PIP4K2B: variants seen among roughly 807,000 people sequenced by gnomAD.
The protein encoded by PIP4K2B is phosphatidylinositol-5-phosphate 4-kinase type 2 beta.
PIP4K2B carries 3 observed loss-of-function variants against 42.0 expected under a neutral mutation model. That is an observed-to-expected ratio of 0.07 (90% CI 0.03 to 0.18). The LOEUF is 0.18. Among genes scored for constraint, PIP4K2B ranks in the 10% least tolerant of loss-of-function variants. The pLI is 1.00. For synonymous variants in PIP4K2B, 204 were observed against 210.1 expected (o/e 0.97, Z 0.25); for missense variants, 332 against 562.3 (o/e 0.59, Z 4.14).
At chr17:38,787,652 G>A (rs1173129574) in intron 1 of PIP4K2B, among the ~76,000 whole-genome samples, 1 of 152,186 alleles carries the variant, frequency 6.6e-6, no homozygotes, top group Non-Finnish European at 1.5e-5. Flanking sequence ...GGAGTGCAAT[G>A]GCACGATCTC....
intron 7 of PIP4K2B, among the ~76,000 whole-genome samples, chr17:38,776,796 A>G (rs1209928061): frequency 1.3e-5 from 2 of 152,232 alleles, no homozygotes; most frequent in African/African-American, 4.8e-5. Flanking sequence ...CAAGTGGTCC[A>G]GATAACATTT....
At chr17:38,786,752 G>T in intron 2 of PIP4K2B, 71 bp downstream of exon 2, 1 of 966,366 alleles carries the variant, frequency 1.0e-6, no homozygotes, top group Non-Finnish European at 1.7e-6. Context: ...CCATGCATGA[G>T]GCTTCAGAAG....
intron 1 of PIP4K2B, among the ~76,000 whole-genome samples, chr17:38,793,127 C>A (rs1399624142): frequency 6.6e-6 from 1 of 152,102 alleles, no homozygotes; most frequent in Non-Finnish European, 1.5e-5. Context: ...CAGGGTTTCG[C>A]CATGTTGGCC....
At chr17:38,773,049 C>T (rs1055219493) in intron 7 of PIP4K2B, among the ~76,000 whole-genome samples, 11 of 152,112 alleles carry the variant, frequency 7.2e-5, no homozygotes, top group African/African-American at 1.2e-4. Context: ...TGGCTTCAGG[C>T]GTCCACTGGG....
intron 7 of PIP4K2B, among the ~76,000 whole-genome samples, chr17:38,772,861 G>A (rs1909120827): frequency 6.6e-6 from 1 of 152,172 alleles, no homozygotes; most frequent in South Asian, 2.1e-4. Flanking sequence ...GATTACAGGT[G>A]TGAGCCACTG....
Position 38,786,855 on chromosome 17 carries a change from G to A in PIP4K2B, c.225C>T (p.Ser75=). 1 of 1,611,908 alleles carries A rather than the reference G, an allele frequency of 6.2e-7. No homozygotes were observed. Among genetic ancestry groups the A allele is most frequent in the Non-Finnish European group, 8.5e-7 (1 of 1,178,004 alleles). The change falls in exon 2 of 10, where the codon AGC becomes AGT. Residue 75 remains serine (S), a synonymous_variant. Transcript: ENST00000619039. ...MLMPDDFKAY[S]KIKVDNHLFN... is the part of the protein sequence containing the mutation. Reference sequence around the variant, plus strand: ...AGAGATGATTGTCCACCTTGATCTTGCTGTAGGCTTTGAAGTCATCTGGCA... The same window carrying A: ...AGAGATGATTGTCCACCTTGATCTTACTGTAGGCTTTGAAGTCATCTGGCA...
rs1908703473 is a variant in PIP4K2B, at chr17:38,766,340, G to GC, written c.*3350dup. 6.5e-6 allele frequency: 1 copy of GC among 152,684 alleles called. No individual in the cohort carries two copies. The highest frequency in any genetic ancestry group is 2.4e-5 in the African/African-American group (1 of 41,428). The allele number at this position is 152,684 out of a possible 1,614,324, so 9.5% of individuals were successfully genotyped here. A position where few individuals can be genotyped will look rare whatever the true frequency, so the allele number is the denominator to read the frequency against. ...TTGTTTAAACGCACTGTCCCTTCTA[G>GC]CCCCCAACACCTGAGTAACTCACAT... is the stretch of plus-strand genomic sequence containing the variant. On this transcript the variant is annotated 3_prime_UTR_variant, in exon 10 of 10. Transcript: ENST00000619039.
intron 1 of PIP4K2B, among the ~76,000 whole-genome samples, chr17:38,791,406 A>ATTTTTTTTTTTTTTTT (rs58027566): frequency 5.5e-5 from 5 of 91,156 alleles, no homozygotes; most frequent in Admixed American, 1.3e-4. Context: ...CAGACTGCCA[A>ATTTTTTTTTTTTTTTT]TTTTTTTTTT....
chr17:38,780,539 G>A lies in PIP4K2B; in HGVS notation c.420C>T (p.Leu140=). Residue 140 remains leucine (L), a synonymous_variant, in exon 4 of 10, where the codon CTC becomes CTT. Coordinates refer to ENST00000619039, the MANE Select transcript of PIP4K2B (RefSeq NM_003559.5). The part of the protein sequence containing the change: ...DSQGRCGTRF[L]TTYDRRFVIK... ...TGACAAAGCGCCGGTCGTAGGTGGTGAGGAAACGCGTGCCACACCGACCCT... is the reference window on the plus strand; with the variant it reads ...TGACAAAGCGCCGGTCGTAGGTGGTAAGGAAACGCGTGCCACACCGACCCT... 4.3e-6 allele frequency: 7 copies of A among 1,614,042 alleles called. No homozygotes were observed. The highest frequency in any genetic ancestry group is 5.9e-6 in the Non-Finnish European group (7 of 1,179,892).
intron 4 of PIP4K2B, among the ~76,000 whole-genome samples, 159 bp downstream of exon 4, chr17:38,780,293 G>A (rs1160407326): frequency 6.6e-6 from 1 of 152,170 alleles, no homozygotes; most frequent in Non-Finnish European, 1.5e-5. Context: ...AGGCATTTCA[G>A]CTCACAGAAA....
chr17:38,778,734 G>A (rs751366254), intron 5 of PIP4K2B, among the ~76,000 whole-genome samples: 44 of 152,166 alleles, frequency 2.9e-4, no homozygotes, highest in South Asian at 8.3e-4. Context: ...CATACCACAC[G>A]GGCCCGGCCT....
At chr17:38,792,232 T>G (rs1190410383) in intron 1 of PIP4K2B, among the ~76,000 whole-genome samples, 4 of 152,138 alleles carry the variant, frequency 2.6e-5, no homozygotes, top group East Asian at 3.9e-4. Context: ...CACTGCAGCC[T>G]CAACTTCCTG....
chr17:38,779,249 T>C lies in PIP4K2B; in HGVS notation c.654+134A>G, dbSNP rs943845668. The C allele has an allele frequency of 3.0e-5, 25 of 835,062 alleles. No individual in the cohort carries two copies. The African/African-American group carries it at 4.2e-4, about 14-fold the overall frequency. The allele number at this position is 835,062 out of a possible 1,614,324, so 51.7% of individuals were successfully genotyped here. ...GCCTTTGGTCCACAAGAATCAGGCATATCCACTCCAGAGTTCCCTGTCCAT... is the reference window on the plus strand; with the variant it reads ...GCCTTTGGTCCACAAGAATCAGGCACATCCACTCCAGAGTTCCCTGTCCAT... On this transcript the variant is annotated intron_variant, in intron 5 of 9. Transcript: ENST00000619039.
intron 7 of PIP4K2B, among the ~76,000 whole-genome samples, chr17:38,771,547 A>C (rs1415920670): frequency 1.7e-5 from 1 of 59,402 alleles, no homozygotes; most frequent in African/African-American, 8.9e-5. Context: ...AGATGGTCTC[A>C]AAAAAAAAAA....
chr17:38,770,500 T>C lies in PIP4K2B; in HGVS notation c.1106A>G (p.Asp369Gly). Residue 369 changes from aspartate to glycine, a missense_variant, in exon 9 of 10, where the codon GAT becomes GGT. This residue lies in a region of PIP4K2B where 26 missense variants were observed against 76.4 expected (regional missense o/e 0.34). Transcript: ENST00000619039. Reference sequence around the variant, plus strand: ...CTTTGTATCGTATGGCGTGAGGATATCAATGATGGCCATGAAATACACCTC... The same window carrying C: ...CTTTGTATCGTATGGCGTGAGGATACCAATGATGGCCATGAAATACACCTC... ...KKEVYFMAII[D>G]ILTPYDTKKK... The C allele has an allele frequency of 6.2e-7, 1 of 1,612,050 alleles. No individual in the cohort carries two copies. The highest frequency in any genetic ancestry group is 8.5e-7 in the Non-Finnish European group (1 of 1,178,336).
rs370982494 is a variant in PIP4K2B at position 38,767,526 on chromosome 17, T to TACAC, written c.*2161_*2164dup. The TACAC allele has an allele frequency of 1.3e-5, 2 of 151,462 alleles. No individual in the cohort carries two copies. The highest frequency in any genetic ancestry group is 2.9e-5 in the Non-Finnish European group (2 of 67,802). 9.4% of individuals were successfully genotyped at this position (151,462 alleles called of 1,614,324 possible). Reference sequence around the variant, plus strand: ...AAACAATATACAAAACACACAAACATACACACACACACACAAACTCAATGT... The same window carrying TACAC: ...AAACAATATACAAAACACACAAACATACACACACACACACACACAAACTCAATGT... On this transcript the variant is annotated 3_prime_UTR_variant, in exon 10 of 10. Transcript: ENST00000619039.
intron 1 of PIP4K2B, among the ~76,000 whole-genome samples, chr17:38,794,719 C>G (rs2143489392): frequency 6.7e-6 from 1 of 150,346 alleles, no homozygotes; most frequent in Non-Finnish European, 1.5e-5. Context: ...AGATATAACA[C>G]CAAAAGCACA....
intron 3 of PIP4K2B, among the ~76,000 whole-genome samples, chr17:38,781,757 T>C (rs1030205252): frequency 2.0e-5 from 3 of 152,018 alleles, no homozygotes; most frequent in African/African-American, 7.2e-5. Context: ...GATCAAGCAA[T>C]CCTCCTGCCT....
intron 7 of PIP4K2B, 142 bp downstream of exon 7, chr17:38,777,545 A>G (rs1438559940): frequency 3.1e-6 from 2 of 645,320 alleles, no homozygotes; most frequent in Admixed American, 2.6e-5. Context: ...TTAGGTGCCC[A>G]TAAGTGCCCA....
Sources: allele counts gnomAD v4.1 joint callset (sites outside exome capture counted in the v4.1 genomes callset), GRCh38; gene constraint gnomAD v4.1.1; regional missense constraint gnomAD v4.1.1; transcripts MANE v1.5; gene names NCBI Gene and HGNC (gene_info 2026-07-23, HGNC 2026-07-21).